PRICKLE1: variants seen among roughly 807,000 people sequenced by gnomAD.
PRICKLE1 encodes prickle planar cell polarity protein 1.
In PRICKLE1, 14 loss-of-function variants were observed where a neutral mutation model predicts 70.2. The ratio of observed to expected loss-of-function variants is 0.20; its 90% CI spans 0.13 to 0.31. PRICKLE1 has a LOEUF of 0.31. PRICKLE1 is among the 10% of genes least tolerant of loss of function. The pLI is 1.00. For synonymous variants in PRICKLE1, 357 were observed against 379.9 expected, an observed-to-expected ratio of 0.94 and a Z score of 0.70; for missense variants, 821 against 1,026.2, an observed-to-expected ratio of 0.80 and a Z score of 2.73.
rs191518722 is a variant in PRICKLE1 at position 42,463,256 on chromosome 12, G to A, written c.1639+1139C>T. On this transcript the variant is annotated intron_variant, in intron 7 of 7. Transcript: ENST00000345127. ...AGAGGTTATAGTGAGCTGATATCGC[G>A]TCATTGCACCCCAACCTGGGTGACA... 1.2e-4 allele frequency among the ~76,000 whole-genome samples: 18 copies of A among 152,162 alleles called. No individual in the cohort carries two copies. The South Asian group carries it at 2.5e-3, about 21-fold the overall frequency.
chr12:42,510,923 C>A (rs1399369425), intron 1 of PRICKLE1, among the ~76,000 whole-genome samples: 1 of 152,202 alleles, frequency 6.6e-6, no homozygotes, highest in African/African-American at 2.4e-5. Context: ...CAGTTTCACA[C>A]CAGGGTCCCA....
intron 1 of PRICKLE1, among the ~76,000 whole-genome samples, chr12:42,487,457 C>T (rs556049433): frequency 2.0e-5 from 3 of 152,292 alleles, no homozygotes; most frequent in South Asian, 2.1e-4. Flanking sequence ...GGTTCTTTAA[C>T]GTTTTCTACA....
At chr12:42,587,587 G>A (rs917354830) in intron 1 of PRICKLE1, among the ~76,000 whole-genome samples, 2 of 152,164 alleles carry the variant, frequency 1.3e-5, no homozygotes, top group East Asian at 1.9e-4. Flanking sequence ...ATCTCCTTCT[G>A]TGTTTCCTGA....
chr12:42,482,796 T>G (rs78936365), intron 1 of PRICKLE1: 1 of 152,418 alleles, frequency 6.6e-6, no homozygotes, highest in Non-Finnish European at 1.5e-5. Flanking sequence ...TTGGGAAAAC[T>G]CAGCCGGCCA....
intron 1 of PRICKLE1, among the ~76,000 whole-genome samples, chr12:42,512,258 C>A (rs1939526841): frequency 6.6e-6 from 1 of 152,138 alleles, no homozygotes; most frequent in South Asian, 2.1e-4. Context: ...GCAACCTCTG[C>A]CTCCCAGGTT....
intron 1 of PRICKLE1, among the ~76,000 whole-genome samples, chr12:42,520,049 C>T (rs1939682673): frequency 6.6e-6 from 1 of 152,176 alleles, no homozygotes; most frequent in African/African-American, 2.4e-5. Flanking sequence ...GGCATGCCTT[C>T]CCTGAGACCA....
chr12:42,464,503 G>T lies in PRICKLE1; in HGVS notation c.1531C>A (p.His511Asn). Reference sequence around the variant, plus strand: ...TCTTCATACCACTGTGTTTCATCATGATTATACCCTGAAGCCCCATGGTCC... The same window carrying T: ...TCTTCATACCACTGTGTTTCATCATTATTATACCCTGAAGCCCCATGGTCC... Reference protein sequence around the residue: ...ELDHGASGYNHDETQWYEDSL... With the variant: ...ELDHGASGYNNDETQWYEDSL... The change falls in exon 7 of 8, where the codon CAT (histidine) becomes AAT (asparagine). Residue 511 changes from histidine (H) to asparagine (N), a missense_variant. Transcript: ENST00000345127. This position sits in a 1 kb window ranked among gnomAD's most constrained non-coding sequence, Gnocchi z 4.2. 1 of 1,613,962 alleles carries T rather than the reference G, an allele frequency of 6.2e-7. No homozygotes were observed. The highest frequency in any genetic ancestry group is 8.5e-7 in the Non-Finnish European group (1 of 1,180,018).
intron 1 of PRICKLE1, among the ~76,000 whole-genome samples, chr12:42,541,571 C>G (rs1271335006): frequency 6.6e-6 from 1 of 152,076 alleles, no homozygotes; most frequent in Non-Finnish European, 1.5e-5. Flanking sequence ...CTCCTGGGCT[C>G]AAATGATTCT....
intron 1 of PRICKLE1, among the ~76,000 whole-genome samples, chr12:42,583,920 C>G (rs963242176): frequency 2.6e-5 from 4 of 152,266 alleles, no homozygotes. Context: ...GGAAACAGAA[C>G]TCCCCAGTTC....
chr12:42,560,809 C>T (rs1014041172), intron 1 of PRICKLE1, among the ~76,000 whole-genome samples: 1 of 134,380 alleles, frequency 7.4e-6, no homozygotes, highest in Admixed American at 7.3e-5. Context: ...CACACACACA[C>T]ACACACACAA....
At chr12:42,558,904 A>G (rs1592027905) in intron 1 of PRICKLE1, among the ~76,000 whole-genome samples, 1 of 152,198 alleles carries the variant, frequency 6.6e-6, no homozygotes, top group Non-Finnish European at 1.5e-5. Context: ...GGCAGAGATT[A>G]AAAAAAGAAC....
chr12:42,573,020 AT>A (rs11410696), intron 1 of PRICKLE1, among the ~76,000 whole-genome samples: 14 of 151,530 alleles, frequency 9.2e-5, no homozygotes, highest in South Asian at 2.1e-4. Flanking sequence ...TGTTTAAAAA[AT>A]TTTTTTTTAA....
intron 1 of PRICKLE1, among the ~76,000 whole-genome samples, chr12:42,508,795 G>A (rs967634198): frequency 1.2e-4 from 19 of 152,144 alleles, no homozygotes; most frequent in African/African-American, 4.3e-4. Context: ...GAATGGAGAC[G>A]AACAGGGCTT....
chr12:42,461,642 G>A lies in PRICKLE1; in HGVS notation c.1640-977C>T, dbSNP rs565930105. 2.6e-3 allele frequency among the ~76,000 whole-genome samples: 399 copies of A among 152,272 alleles called. 2 individuals carry two copies. Among genetic ancestry groups the A allele is most frequent in the Non-Finnish European group, 4.3e-3 (290 of 68,018 alleles). On this transcript the variant is annotated intron_variant, in intron 7 of 7. Transcript: ENST00000345127. The stretch of plus-strand genomic sequence containing the variant: ...TCATCCAGTCTTTTCTGCCTTCAAC[G>A]TGTAAAATATGCCACTTCCAGATTA...
chr12:42,564,580 C>T (rs938722014), intron 1 of PRICKLE1, among the ~76,000 whole-genome samples: 5 of 152,044 alleles, frequency 3.3e-5, no homozygotes, highest in Non-Finnish European at 7.4e-5. Context: ...TGCACTTCAG[C>T]CTGGGCGACA....
chr12:42,516,012 C>T (rs1939604656), intron 1 of PRICKLE1, among the ~76,000 whole-genome samples: 1 of 152,184 alleles, frequency 6.6e-6, no homozygotes, highest in South Asian at 2.1e-4. Flanking sequence ...GATCCCTGGA[C>T]TGGACTTCAA....
At position 42,460,150 on chromosome 12, in the gene PRICKLE1, G is replaced by T; in HGVS notation, c.2155C>A (p.Arg719=). ...TTCTGGATGTATGCTTGGATCTCCC[G>T]GGCACTTTTATTCTGTATAAATTTC... ...YEKFIQNKSA[R]EIQAYIQNAD... Residue 719 remains arginine, a synonymous_variant, in exon 8 of 8, where the codon CGG becomes AGG. Coordinates refer to ENST00000345127, the MANE Select transcript of PRICKLE1 (RefSeq NM_153026.3). The T allele has an allele frequency of 6.2e-7, 1 of 1,613,984 alleles. No individual in the cohort carries two copies. The highest frequency in any genetic ancestry group is 8.5e-7 in the Non-Finnish European group (1 of 1,180,008).
intron 1 of PRICKLE1, among the ~76,000 whole-genome samples, chr12:42,477,482 G>GTGTGTATATATATA (rs1350601331): frequency 1.7e-5 from 2 of 116,384 alleles, no homozygotes; most frequent in Non-Finnish European, 3.6e-5. Context: ...GTGTGTGTGT[G>GTGTGTATATATATA]TATATATATA....
chr12:42,526,243 CT>C (rs11353786), intron 1 of PRICKLE1, among the ~76,000 whole-genome samples: 81,036 of 150,626 alleles, frequency 0.54, 22,115 homozygotes, highest in Admixed American at 0.65. Context: ...AATCTTTTTT[CT>C]TTTTTTTTTA....
Sources: allele counts gnomAD v4.1 joint callset (sites outside exome capture counted in the v4.1 genomes callset), GRCh38; gene constraint gnomAD v4.1.1; non-coding constraint Gnocchi (gnomAD v3.1); transcripts MANE v1.5; gene names NCBI Gene and HGNC (gene_info 2026-07-23, HGNC 2026-07-21).